Variants in GRAMD1C observed in about 807,000 individuals in gnomAD.
GRAMD1C encodes GRAM domain containing 1C.
A neutral mutation model predicts 97.8 loss-of-function variants in GRAMD1C; 89 were observed. The ratio of observed to expected loss-of-function variants is 0.91; its 90% CI spans 0.77 to 1.09. The LOEUF (loss-of-function observed/expected upper bound fraction) is 1.09. Ranked by LOEUF, GRAMD1C falls within the 50% of genes least tolerant of loss-of-function variation. GRAMD1C has a pLI of 0.00. For synonymous variants in GRAMD1C, 256 were observed against 267.0 expected (o/e 0.96, Z 0.40); for missense variants, 740 against 766.4 (o/e 0.97, Z 0.41).
rs961581175 is a variant in GRAMD1C, at chr3:113,885,588, G to T, written c.540+2756G>T. On this transcript the variant is annotated intron_variant, in intron 6 of 17. Coordinates refer to ENST00000358160, the MANE Select transcript of GRAMD1C (RefSeq NM_017577.5). ...GCCTCCTGACTTCATCCTCAAGGTG[G>T]TAATAGACAAACATTCTGTCCGGTT... 3.2e-6 allele frequency: 5 copies of T among 1,540,240 alleles called. No individual in the cohort carries two copies. In the African/African-American group the frequency reaches 4.1e-5, roughly 13 times the overall value.
intron 6 of GRAMD1C, among the ~76,000 whole-genome samples, chr3:113,886,624 G>GAA (rs201444339): frequency 7.0e-6 from 1 of 143,856 alleles, no homozygotes; most frequent in Non-Finnish European, 1.5e-5. Context: ...TTATAACTTT[G>GAA]AAAAAAAAAT....
chr3:113,919,371 A>G (rs1014039487), intron 10 of GRAMD1C: 28 of 498,138 alleles, frequency 5.6e-5, no homozygotes, highest in African/African-American at 5.4e-4. Flanking sequence ...GTTTCAGGGA[A>G]GGTAAATGTA....
At chr3:113,834,821 T>A (rs921268130), upstream of GRAMD1C, among the ~76,000 whole-genome samples, 27 of 151,068 alleles carry the variant, frequency 1.8e-4, no homozygotes, top group South Asian at 5.7e-3. Context: ...GCACCTGTTA[T>A]CCCAGCTACT....
chr3:113,936,617 G>T (rs913209916), intron 14 of GRAMD1C, 175 bp downstream of exon 14: 2 of 459,802 alleles, frequency 4.3e-6, no homozygotes, highest in Admixed American at 7.9e-5. Flanking sequence ...GTATAAAGGA[G>T]CAGTTGCAAA....
chr3:113,894,635 C>T (rs1403058109), intron 6 of GRAMD1C, among the ~76,000 whole-genome samples: 1 of 151,980 alleles, frequency 6.6e-6, no homozygotes, highest in Non-Finnish European at 1.5e-5. Flanking sequence ...CACATGGGGG[C>T]TATGGGGAAG....
intron 2 of GRAMD1C, among the ~76,000 whole-genome samples, chr3:113,856,035 C>T (rs781219380): frequency 2.6e-4 from 39 of 151,990 alleles, no homozygotes; most frequent in Non-Finnish European, 4.4e-4. Flanking sequence ...ATTACAGGCA[C>T]GTGCCACCAG....
At chr3:113,937,580 GA>G (rs1404361980) in intron 14 of GRAMD1C, among the ~76,000 whole-genome samples, 1 of 152,130 alleles carries the variant, frequency 6.6e-6, no homozygotes, top group Non-Finnish European at 1.5e-5. Flanking sequence ...TCTCTTTGTA[GA>G]TTTGTTTCAT....
chr3:113,894,615 C>G (rs568978763), intron 6 of GRAMD1C, among the ~76,000 whole-genome samples: 1 of 152,220 alleles, frequency 6.6e-6, no homozygotes, highest in South Asian at 2.1e-4. Flanking sequence ...ATAGTGGTCT[C>G]TCTTGCCAGC....
At chr3:113,829,308 T>C (rs896906615) in intron 1 of GRAMD1C, among the ~76,000 whole-genome samples, 1 of 152,036 alleles carries the variant, frequency 6.6e-6, no homozygotes, top group Non-Finnish European at 1.5e-5. Context: ...CCTAGCTGGA[T>C]GGGGTGGTGT....
intron 1 of GRAMD1C, among the ~76,000 whole-genome samples, chr3:113,830,408 A>C (rs1047515908): frequency 6.6e-6 from 1 of 152,148 alleles, no homozygotes; most frequent in Middle Eastern, 3.2e-3. Flanking sequence ...TTGATTTTTC[A>C]GGCTGCTCTT....
upstream of GRAMD1C, chr3:113,838,696 T>C (rs2108063837): frequency 2.7e-6 from 1 of 369,276 alleles, no homozygotes; most frequent in East Asian, 4.0e-5. Context: ...TTGTGACCCC[T>C]AGAAAGACAA....
chr3:113,903,342 T>A (rs1019275613), intron 7 of GRAMD1C, among the ~76,000 whole-genome samples: 1 of 152,156 alleles, frequency 6.6e-6, no homozygotes, highest in Non-Finnish European at 1.5e-5. Flanking sequence ...TTCCTGTTCT[T>A]CAGTCTCTGA....
intron 11 of GRAMD1C, among the ~76,000 whole-genome samples, chr3:113,931,316 C>T (rs944416872): frequency 3.3e-5 from 5 of 151,740 alleles, no homozygotes; most frequent in African/African-American, 1.2e-4. Flanking sequence ...AGTTGATGAG[C>T]TCCTGAGGGT....
Position 113,878,989 on chromosome 3 carries a change from G to A in GRAMD1C, c.459+2729G>A, listed in dbSNP as rs191463752. 4.3e-3 allele frequency among the ~76,000 whole-genome samples: 647 copies of A among 152,116 alleles called. 13 individuals carry two copies. Among genetic ancestry groups the A allele is most frequent in the South Asian group, 0.035 (169 of 4,826 alleles). On this transcript the variant is annotated intron_variant, in intron 5 of 17. Transcript: ENST00000358160. ...TGGGAGGCTGAGGAGGGTGGATCAC[G>A]CGGTCAGGAGTTCGAGACCAGCCTG...
intron 6 of GRAMD1C, among the ~76,000 whole-genome samples, chr3:113,896,590 A>G (rs1391593119): frequency 2.0e-5 from 3 of 152,200 alleles, no homozygotes; most frequent in Admixed American, 2.0e-4. Flanking sequence ...TTTAGTTACA[A>G]TTTCAGTCAA....
chr3:113,905,484 G>T (rs543389437), intron 8 of GRAMD1C, among the ~76,000 whole-genome samples: 4 of 151,958 alleles, frequency 2.6e-5, no homozygotes, highest in Non-Finnish European at 5.9e-5. Context: ...TTTAGAGCAG[G>T]GCTTTGGCTT....
chr3:113,919,133 T>C (rs558871960), intron 10 of GRAMD1C: 2 of 190,714 alleles, frequency 1.0e-5, no homozygotes, highest in South Asian at 9.9e-5. Context: ...ATTTTCCAAA[T>C]TAGGGGTGCT....
intron 10 of GRAMD1C, among the ~76,000 whole-genome samples, chr3:113,921,349 G>A (rs1431397653): frequency 6.6e-6 from 1 of 152,028 alleles, no homozygotes; most frequent in Admixed American, 6.6e-5. Flanking sequence ...CTTTACTATC[G>A]TGAATAGTGC....
intron 10 of GRAMD1C, among the ~76,000 whole-genome samples, chr3:113,918,026 A>G (rs1936897615): frequency 6.6e-6 from 1 of 152,046 alleles, no homozygotes; most frequent in African/African-American, 2.4e-5. Flanking sequence ...ATATTCATAG[A>G]TGATATCATT....
Sources: allele counts gnomAD v4.1 joint callset (sites outside exome capture counted in the v4.1 genomes callset), GRCh38; gene constraint gnomAD v4.1.1; transcripts MANE v1.5; gene names NCBI Gene and HGNC (gene_info 2026-07-23, HGNC 2026-07-21).